Variants in ARHGAP24 observed in about 807,000 individuals in gnomAD.
ARHGAP24 encodes Rho GTPase activating protein 24, also known as rho GTPase-activating protein 24.
A neutral mutation model predicts 76.4 loss-of-function variants in ARHGAP24; 50 were observed. The observed-to-expected ratio is 0.65, with a 90% CI of 0.52 to 0.83. ARHGAP24 has a LOEUF of 0.83. Among genes scored for constraint, ARHGAP24 ranks in the 40% least tolerant of loss-of-function variants. The probability of loss-of-function intolerance (pLI) is 0.00; values close to 1 mark genes in which losing one functional copy is unlikely to be tolerated. For synonymous variants in ARHGAP24, 345 were observed against 323.3 expected (o/e 1.07, Z -0.72); for missense variants, 930 against 914.2 (o/e 1.02, Z -0.22).
Position 85,524,087 on chromosome 4 carries a change from A to G in ARHGAP24, c.-20-46435A>G, listed in dbSNP as rs559385000. ...TGGGAGACTGAATAATTTTTCAGTT[A>G]TCACTCACAGGCTCATATGCAGGTA... On this transcript the variant is annotated intron_variant, in intron 1 of 9. Coordinates refer to ENST00000395184, the MANE Select transcript of ARHGAP24 (RefSeq NM_001025616.3). Among the ~76,000 whole-genome samples, 3 of 152,238 alleles carry G rather than the reference A, an allele frequency of 2.0e-5. No individual in the cohort carries two copies. In the East Asian group the frequency reaches 5.8e-4, roughly 30 times the overall value.
At chr4:85,620,107 T>C (rs1720667444) in intron 2 of ARHGAP24, among the ~76,000 whole-genome samples, 2 of 151,978 alleles carry the variant, frequency 1.3e-5, no homozygotes, top group Admixed American at 6.6e-5. Flanking sequence ...ATCAGAAATA[T>C]TGGATTTTTA....
In ARHGAP24 at chr4:86,000,919, AGT is replaced by A. The variant is rs1740985341; in HGVS notation, c.*200_*201del. Reference sequence around the variant, plus strand: ...ATCATGCCCCATAATGCTACTGTCAAGTGTTACAACTGGATATGTGTATATAG... The same window carrying A: ...ATCATGCCCCATAATGCTACTGTCAAGTTACAACTGGATATGTGTATATAG... On this transcript the variant is annotated 3_prime_UTR_variant, in exon 10 of 10. Coordinates refer to ENST00000395184, the MANE Select transcript of ARHGAP24 (RefSeq NM_001025616.3). 2 of 768,070 alleles carry A rather than the reference AGT, an allele frequency of 2.6e-6. No individual in the cohort carries two copies. The highest frequency in any genetic ancestry group is 3.5e-5 in the African/African-American group (2 of 57,012). 47.6% of individuals were successfully genotyped at this position (768,070 alleles called of 1,614,324 possible). A position where few individuals can be genotyped will look rare whatever the true frequency, so the allele number is the denominator to read the frequency against.
At chr4:85,783,686 G>A (rs1355702725) in intron 3 of ARHGAP24, among the ~76,000 whole-genome samples, 2 of 152,078 alleles carry the variant, frequency 1.3e-5, no homozygotes, top group African/African-American at 4.8e-5. Context: ...GAGTGGAAGG[G>A]TTCTCATACT....
rs181112625 is a variant in ARHGAP24 at position 85,937,540 on chromosome 4, C to G, written c.392-4526C>G. Among the ~76,000 whole-genome samples the G allele has an allele frequency of 5.3e-5, 8 of 152,158 alleles. No homozygotes were observed. The East Asian group carries it at 1.5e-3, about 29-fold the overall frequency. On this transcript the variant is annotated intron_variant, in intron 4 of 9. Coordinates refer to ENST00000395184, the MANE Select transcript of ARHGAP24 (RefSeq NM_001025616.3). The stretch of plus-strand genomic sequence containing the variant: ...GTGGAGTCTAGTAGAGTAACTGTAT[C>G]AGGTAAAGTAAAAACGGAGCTGAGG...
chr4:85,721,494 C>T (rs918245330), intron 2 of ARHGAP24, among the ~76,000 whole-genome samples: 1 of 151,824 alleles, frequency 6.6e-6, no homozygotes, highest in African/African-American at 2.4e-5. Flanking sequence ...ACAACTATGT[C>T]TAAGTCTACC....
intron 1 of ARHGAP24, among the ~76,000 whole-genome samples, chr4:85,523,894 T>C (rs1724881657): frequency 2.0e-5 from 3 of 152,108 alleles, no homozygotes; most frequent in Admixed American, 6.6e-5. Flanking sequence ...GAGTTAAAAT[T>C]TTGTAGGAAA....
intron 2 of ARHGAP24, among the ~76,000 whole-genome samples, chr4:85,691,960 A>G (rs1455041807): frequency 6.6e-6 from 1 of 152,164 alleles, no homozygotes; most frequent in Non-Finnish European, 1.5e-5. Flanking sequence ...GTTTGGTAGC[A>G]GGTGTTGTTC....
At chr4:85,970,751 G>C (rs1446260562) in intron 5 of ARHGAP24, among the ~76,000 whole-genome samples, 1 of 152,138 alleles carries the variant, frequency 6.6e-6, no homozygotes, top group East Asian at 1.9e-4. Flanking sequence ...CTGCAGCACA[G>C]CTTGGGAGTG....
rs565086399 is a variant in ARHGAP24 at position 85,699,364 on chromosome 4, T to C, written c.181-22521T>C. On this transcript the variant is annotated intron_variant, in intron 2 of 9. Transcript: ENST00000395184. ...ATCCCAACACTGTGGGAGGCTGAGG[T>C]GGAAAAATCACTTGAGCCCAGGCGT... Among the ~76,000 whole-genome samples the C allele has an allele frequency of 1.2e-4, 18 of 152,256 alleles. No homozygotes were observed. In the East Asian group the frequency reaches 3.1e-3, roughly 26 times the overall value.
chr4:85,666,090 G>A (rs1560576252), intron 2 of ARHGAP24, among the ~76,000 whole-genome samples: 1 of 152,114 alleles, frequency 6.6e-6, no homozygotes, highest in Non-Finnish European at 1.5e-5. Flanking sequence ...AAGTTCTCCT[G>A]GATAATATCC....
chr4:85,883,047 T>C (rs1733351139), intron 3 of ARHGAP24, among the ~76,000 whole-genome samples: 1 of 151,912 alleles, frequency 6.6e-6, no homozygotes, highest in African/African-American at 2.4e-5. Context: ...GTTTCAGTGG[T>C]GTGGGTCAAG....
intron 8 of ARHGAP24, among the ~76,000 whole-genome samples, chr4:85,993,585 G>A (rs1740465744): frequency 6.6e-6 from 1 of 152,174 alleles, no homozygotes; most frequent in Non-Finnish European, 1.5e-5. Flanking sequence ...CTCCCTGACA[G>A]CCTCTCAATT....
At chr4:85,836,697 G>A (rs951817713) in intron 3 of ARHGAP24, among the ~76,000 whole-genome samples, 1 of 152,184 alleles carries the variant, frequency 6.6e-6, no homozygotes, top group African/African-American at 2.4e-5. Flanking sequence ...CATTGGCTCA[G>A]AAGAAATAAT....
chr4:85,601,596 C>T (rs1720030515), intron 2 of ARHGAP24, among the ~76,000 whole-genome samples: 1 of 152,120 alleles, frequency 6.6e-6, no homozygotes, highest in Admixed American at 6.5e-5. Flanking sequence ...TTGCCAAATT[C>T]TCCCAGTTGA....
chr4:85,944,232 A>G (rs1737119747), intron 5 of ARHGAP24, among the ~76,000 whole-genome samples: 1 of 152,024 alleles, frequency 6.6e-6, no homozygotes, highest in East Asian at 1.9e-4. Flanking sequence ...TTTTTTCCAT[A>G]TGTTTGTTGG....
At chr4:85,725,218 A>T (rs1446977524) in intron 3 of ARHGAP24, among the ~76,000 whole-genome samples, 1 of 152,238 alleles carries the variant, frequency 6.6e-6, no homozygotes, top group East Asian at 1.9e-4. Context: ...GTATCTCCAT[A>T]TATTTAGAAA....
In ARHGAP24 at chr4:85,906,498, G is replaced by C. The variant is rs1322225418; in HGVS notation, c.269-17150G>C. Among the ~76,000 whole-genome samples the C allele has an allele frequency of 5.3e-5, 8 of 152,262 alleles. No individual in the cohort carries two copies. The South Asian group carries it at 1.7e-3, about 32-fold the overall frequency. ...CATTATGAATTTTCTATGATAACTA[G>C]TTTTTTAATGTTATAAAAATATTAT... On this transcript the variant is annotated intron_variant, in intron 3 of 9. Coordinates refer to ENST00000395184, the MANE Select transcript of ARHGAP24 (RefSeq NM_001025616.3).
intron 3 of ARHGAP24, among the ~76,000 whole-genome samples, chr4:85,791,707 G>T (rs562949716): frequency 6.2e-4 from 95 of 152,296 alleles, no homozygotes; most frequent in African/African-American, 2.2e-3. Context: ...GATGAGCTAA[G>T]GACTCTGCTG....
chr4:85,865,378 T>C (rs1221730355), intron 3 of ARHGAP24, among the ~76,000 whole-genome samples: 2 of 150,794 alleles, frequency 1.3e-5, no homozygotes, highest in African/African-American at 2.4e-5. Flanking sequence ...CAGAGAAACC[T>C]TTGTTAACCA....
Sources: allele counts gnomAD v4.1 joint callset (sites outside exome capture counted in the v4.1 genomes callset), GRCh38; gene constraint gnomAD v4.1.1; transcripts MANE v1.5; gene names NCBI Gene and HGNC (gene_info 2026-07-23, HGNC 2026-07-21).